PRKN: variants seen among roughly 807,000 people sequenced by gnomAD.
PRKN encodes E3 ubiquitin-protein ligase parkin.
Under a neutral mutation model 59.5 loss-of-function variants are expected in PRKN, and 56 were observed. The ratio of observed to expected loss-of-function variants is 0.94; its 90% CI spans 0.76 to 1.18. The LOEUF is 1.18. PRKN is among the 50% of genes most tolerant of loss of function. The pLI, the probability that PRKN is intolerant of heterozygous loss-of-function variation, is 0.00. For synonymous variants in PRKN, 250 were observed against 222.1 expected (o/e 1.13, Z -1.12); for missense variants, 657 against 596.4 (o/e 1.10, Z -1.06).
intron 6 of PRKN, among the ~76,000 whole-genome samples, chr6:161,863,870 T>C (rs1340478525): frequency 6.6e-6 from 1 of 152,230 alleles, no homozygotes; most frequent in Non-Finnish European, 1.5e-5. Flanking sequence ...AAAAGCCATG[T>C]TTATACTATG....
At chr6:162,212,809 A>G (rs2128075059) in intron 3 of PRKN, among the ~76,000 whole-genome samples, 1 of 152,328 alleles carries the variant, frequency 6.6e-6, no homozygotes, top group Non-Finnish European at 1.5e-5. Context: ...CCTGTAGAGC[A>G]TGTTACTGTA....
In PRKN at chr6:162,068,403, C is replaced by T. The variant is rs189302336; in HGVS notation, c.535-14229G>A. On this transcript the variant is annotated intron_variant, in intron 4 of 11. Transcript: ENST00000366898. The stretch of plus-strand genomic sequence containing the variant: ...ACATGCTTTTATGATCTCACAGTTT[C>T]TGTGGGGCAGGCCTGGTGTGACTTC... 2.2e-3 allele frequency among the ~76,000 whole-genome samples: 334 copies of T among 152,284 alleles called. 2 individuals are homozygous for T. Among genetic ancestry groups the T allele is most frequent in the Non-Finnish European group, 2.5e-3 (170 of 68,040 alleles).
At chr6:161,874,623 G>A (rs868197282) in intron 6 of PRKN, among the ~76,000 whole-genome samples, 553 of 23,790 alleles carry the variant, frequency 0.023, 24 homozygotes, top group African/African-American at 0.099. Flanking sequence ...TATAATATGT[G>A]TAATATATAA....
chr6:161,505,072 T>C (rs376514051), intron 9 of PRKN, among the ~76,000 whole-genome samples: 1 of 151,864 alleles, frequency 6.6e-6, no homozygotes, highest in South Asian at 2.1e-4. Flanking sequence ...ATGGTATTTC[T>C]AGTTCTAGAT....
intron 9 of PRKN, among the ~76,000 whole-genome samples, chr6:161,506,160 A>G (rs1396434832): frequency 6.6e-6 from 1 of 151,660 alleles, no homozygotes; most frequent in Non-Finnish European, 1.5e-5. Flanking sequence ...ACCCACGAGC[A>G]TGGAATGTTC....
intron 1 of PRKN, among the ~76,000 whole-genome samples, chr6:162,459,974 A>G (rs989738184): frequency 6.6e-6 from 1 of 152,200 alleles, no homozygotes; most frequent in Admixed American, 6.6e-5. Context: ...CAAATGCTCA[A>G]ACCTAGAGTT....
At chr6:161,753,804 G>T (rs906373678) in intron 7 of PRKN, among the ~76,000 whole-genome samples, 1 of 152,166 alleles carries the variant, frequency 6.6e-6, no homozygotes, top group Admixed American at 6.5e-5. Flanking sequence ...AGACTGGGTT[G>T]TGAGGCAATG....
chr6:162,605,242 C>T lies in PRKN; in HGVS notation c.7+122420G>A, dbSNP rs187316570. On this transcript the variant is annotated intron_variant, in intron 1 of 11. Transcript: ENST00000366898. ...CTCCAGTAAGAATAGAGAAGATTAA[C>T]TAACTACTTTCATCCTACTTCTCAA... Among the ~76,000 whole-genome samples the T allele has an allele frequency of 5.5e-3, 770 of 141,192 alleles. 4 individuals carry two copies. Among genetic ancestry groups the T allele is most frequent in the Middle Eastern group, 0.011 (3 of 268 alleles). The allele number at this position is 141,192 out of a possible 152,430, so 92.6% of individuals were successfully genotyped here.
chr6:161,896,749 C>T (rs763114449), intron 6 of PRKN, among the ~76,000 whole-genome samples: 1 of 152,090 alleles, frequency 6.6e-6, no homozygotes, highest in Non-Finnish European at 1.5e-5. Context: ...ATACTCTTGC[C>T]TGTGGTTCCA....
chr6:162,194,478 A>C (rs971621115), intron 4 of PRKN, among the ~76,000 whole-genome samples: 15 of 152,198 alleles, frequency 9.9e-5, no homozygotes, highest in Admixed American at 6.5e-4. Flanking sequence ...AATGAGTCTC[A>C]AGAAAATGGC....
At chr6:161,849,269 G>A (rs1202233407) in intron 6 of PRKN, among the ~76,000 whole-genome samples, 1 of 152,084 alleles carries the variant, frequency 6.6e-6, no homozygotes, top group Non-Finnish European at 1.5e-5. Flanking sequence ...CAGTCCACAG[G>A]TGCCATGGTT....
In PRKN at chr6:162,622,312, T is replaced by C. The variant is rs548688937; in HGVS notation, c.7+105350A>G. ...TTCTGTTTTTTTTTTTGTTTTGTTT[T>C]TTTTTGGTAGCAGAGTCTCGCTCTG... On this transcript the variant is annotated intron_variant, in intron 1 of 11. Coordinates refer to ENST00000366898, the MANE Select transcript of PRKN (RefSeq NM_004562.3). Among the ~76,000 whole-genome samples the C allele has an allele frequency of 2.6e-5, 4 of 152,028 alleles. No individual in the cohort carries two copies. In the South Asian group the frequency reaches 8.3e-4, roughly 32 times the overall value.
At chr6:162,021,637 C>A (rs902863286) in intron 5 of PRKN, among the ~76,000 whole-genome samples, 3 of 151,992 alleles carry the variant, frequency 2.0e-5, no homozygotes, top group African/African-American at 7.2e-5. Flanking sequence ...ACCTGATGAT[C>A]CTGCTAATAT....
At chr6:161,367,096 T>C (rs375438833) in intron 10 of PRKN, among the ~76,000 whole-genome samples, 36 of 146,662 alleles carry the variant, frequency 2.5e-4, no homozygotes, top group African/African-American at 8.7e-4. Flanking sequence ...GTTCACGCCA[T>C]TCTCCTGCCT....
At chr6:161,639,570 AC>A (rs539862370) in intron 7 of PRKN, among the ~76,000 whole-genome samples, 2 of 152,248 alleles carry the variant, frequency 1.3e-5, no homozygotes, top group South Asian at 4.1e-4. Context: ...GTTTGCCTGC[AC>A]TGTACGCTGC....
At position 161,350,144 on chromosome 6, in the gene PRKN, G is replaced by C; in HGVS notation, c.1353C>G (p.Cys451Trp). 5 of 1,613,418 alleles carry C rather than the reference G, an allele frequency of 3.1e-6. No homozygotes were observed. In the South Asian group the frequency reaches 3.3e-5, roughly 11 times the overall value. ...CRLEWCWNCG[C>W]EWNRVCMGDH... is the part of the protein sequence containing the mutation. ...CCCCCATGCAGACGCGGTTCCACTC[G>C]CAGCCACAGTTCCAGCACCACTCGA... The change falls in exon 12 of 12, where the codon TGC becomes TGG. Residue 451 changes from cysteine to tryptophan, a missense_variant. Transcript: ENST00000366898.
At chr6:162,706,513 G>A (rs923315866) in intron 1 of PRKN, among the ~76,000 whole-genome samples, 2 of 152,280 alleles carry the variant, frequency 1.3e-5, no homozygotes, top group South Asian at 2.1e-4. Context: ...AAGAGAATTG[G>A]GGAAATAAAA....
At chr6:161,675,649 C>T (rs1488326602) in intron 7 of PRKN, among the ~76,000 whole-genome samples, 1 of 152,092 alleles carries the variant, frequency 6.6e-6, no homozygotes, top group Admixed American at 6.6e-5. Context: ...CTTACTATGC[C>T]GTTTTGTCTT....
chr6:162,350,920 T>C (rs1383709080), intron 2 of PRKN, among the ~76,000 whole-genome samples: 1 of 152,120 alleles, frequency 6.6e-6, no homozygotes, highest in Non-Finnish European at 1.5e-5. Flanking sequence ...AAGTTATATA[T>C]CTGATAAAGA....
Sources: allele counts gnomAD v4.1 joint callset (sites outside exome capture counted in the v4.1 genomes callset), GRCh38; gene constraint gnomAD v4.1.1; transcripts MANE v1.5; gene names NCBI Gene and HGNC (gene_info 2026-07-23, HGNC 2026-07-21).